The following HS3ST4 variants were observed in gnomAD, a reference collection of about 807,000 sequenced individuals.
The protein encoded by HS3ST4 is heparan sulfate-glucosamine 3-sulfotransferase 4.
In HS3ST4, 17 loss-of-function variants were observed where a neutral mutation model predicts 29.2. The observed-to-expected ratio is 0.58, with a 90% CI of 0.40 to 0.87. The LOEUF (loss-of-function observed/expected upper bound fraction) is 0.87, where lower values mean the gene tolerates loss of function less well. Among genes scored for constraint, HS3ST4 ranks in the 40% least tolerant of loss-of-function variants. HS3ST4 has a pLI of 0.00. For synonymous variants in HS3ST4, 314 were observed against 285.7 expected, an observed-to-expected ratio of 1.10 and a Z score of -1.00; for missense variants, 627 against 634.5, an observed-to-expected ratio of 0.99 and a Z score of 0.13.
intron 1 of HS3ST4, among the ~76,000 whole-genome samples, chr16:25,732,017 AC>A (rs1966572576): frequency 6.6e-6 from 1 of 151,662 alleles, no homozygotes; most frequent in Non-Finnish European, 1.5e-5. Flanking sequence ...TTTCTGTTTG[AC>A]CCCTCCTGAT....
chr16:25,953,246 G>A (rs1033021749), intron 1 of HS3ST4, among the ~76,000 whole-genome samples: 1 of 152,108 alleles, frequency 6.6e-6, no homozygotes, highest in Non-Finnish European at 1.5e-5. Context: ...GGGCTGCCAG[G>A]GAAGATCTTT....
intron 1 of HS3ST4, among the ~76,000 whole-genome samples, chr16:26,110,337 T>C (rs146820061): frequency 1.3e-5 from 2 of 152,222 alleles, no homozygotes; most frequent in Admixed American, 1.3e-4. Flanking sequence ...CTTAGGTTGA[T>C]TTCATGTCTT....
chr16:26,090,754 G>A (rs920627824), intron 1 of HS3ST4, among the ~76,000 whole-genome samples: 1 of 152,126 alleles, frequency 6.6e-6, no homozygotes, highest in African/African-American at 2.4e-5. Flanking sequence ...AAGAAAATTG[G>A]TAAAACTGAG....
intron 1 of HS3ST4, among the ~76,000 whole-genome samples, chr16:25,983,567 C>A (rs986022778): frequency 3.3e-5 from 5 of 152,202 alleles, no homozygotes; most frequent in Admixed American, 3.3e-4. Context: ...TACTATTTTT[C>A]TGGCCACACT....
At chr16:25,830,634 T>G (rs1967285951) in intron 1 of HS3ST4, among the ~76,000 whole-genome samples, 2 of 152,200 alleles carry the variant, frequency 1.3e-5, no homozygotes, top group South Asian at 4.1e-4. Context: ...TCAGTGGGAC[T>G]TCATTCTCTG....
At chr16:25,765,477 T>A (rs1966812300) in intron 1 of HS3ST4, among the ~76,000 whole-genome samples, 1 of 152,100 alleles carries the variant, frequency 6.6e-6, no homozygotes, top group African/African-American at 2.4e-5. Flanking sequence ...GGATTCTAAA[T>A]CAGATCCAAA....
chr16:25,828,242 C>CTTTTTCTATCTATCTATCTT (rs1371928058), intron 1 of HS3ST4, among the ~76,000 whole-genome samples: 1 of 75,016 alleles, frequency 1.3e-5, no homozygotes, highest in Non-Finnish European at 2.5e-5. Flanking sequence ...TTCTTTCTTT[C>CTTTTTCTATCTATCTATCTT]TCTTTCTTTC....
At chr16:25,730,499 T>C (rs1285969408) in intron 1 of HS3ST4, among the ~76,000 whole-genome samples, 2 of 139,602 alleles carry the variant, frequency 1.4e-5, no homozygotes, top group East Asian at 2.1e-4. Context: ...TCCTTCTCTT[T>C]TCCTTCCTTC....
chr16:26,037,788 C>T (rs1026372811), intron 1 of HS3ST4, among the ~76,000 whole-genome samples: 7 of 152,078 alleles, frequency 4.6e-5, no homozygotes, highest in African/African-American at 1.4e-4. Flanking sequence ...ATTAGGGTGC[C>T]GCTACTTAAA....
At chr16:26,091,709 G>A (rs1382066301) in intron 1 of HS3ST4, among the ~76,000 whole-genome samples, 3 of 152,182 alleles carry the variant, frequency 2.0e-5, no homozygotes, top group Non-Finnish European at 4.4e-5. Context: ...ATCCTGCAAT[G>A]TCATGCATAC....
At chr16:25,994,651 G>A (rs1204448098) in intron 1 of HS3ST4, among the ~76,000 whole-genome samples, 1 of 151,980 alleles carries the variant, frequency 6.6e-6, no homozygotes, top group African/African-American at 2.4e-5. Context: ...TGTTAATAAA[G>A]GCACAGAAAA....
At position 26,108,841 on chromosome 16, in the gene HS3ST4, G is replaced by T. The variant is rs59662569; in HGVS notation, c.735-26771G>T. Among the ~76,000 whole-genome samples the T allele has an allele frequency of 2.3e-3, 345 of 152,228 alleles. 8 individuals are homozygous for T. The East Asian group carries it at 0.044, about 19-fold the overall frequency. The stretch of plus-strand genomic sequence containing the variant: ...CTTACCGGACTTAGCAGAGTGGCTG[G>T]CATATAGTGATTAATCGGAAATTCC... On this transcript the variant is annotated intron_variant, in intron 1 of 1. Coordinates refer to ENST00000331351, the MANE Select transcript of HS3ST4 (RefSeq NM_006040.3).
chr16:25,780,235 C>T (rs900228680), intron 1 of HS3ST4, among the ~76,000 whole-genome samples: 2 of 152,108 alleles, frequency 1.3e-5, no homozygotes, highest in African/African-American at 4.8e-5. Context: ...TATTTTAGGT[C>T]AGGCCAAGCC....
chr16:26,115,267 A>G (rs1899187232), intron 1 of HS3ST4, among the ~76,000 whole-genome samples: 2 of 146,574 alleles, frequency 1.4e-5, no homozygotes, highest in Admixed American at 6.7e-5. Context: ...ACATATATAT[A>G]CACACACACA....
chr16:26,086,633 G>A (rs1349030644), intron 1 of HS3ST4, among the ~76,000 whole-genome samples: 2 of 152,196 alleles, frequency 1.3e-5, no homozygotes, highest in African/African-American at 2.4e-5. Flanking sequence ...ACAGGCATGA[G>A]CCACCATGCC....
chr16:25,827,838 T>C (rs548636941), intron 1 of HS3ST4, among the ~76,000 whole-genome samples: 4 of 152,346 alleles, frequency 2.6e-5, no homozygotes, highest in African/African-American at 9.6e-5. Context: ...AAGATGCTTC[T>C]GTGAAATTAT....
chr16:26,062,957 A>G (rs1349352855), intron 1 of HS3ST4: 1 of 199,204 alleles, frequency 5.0e-6, no homozygotes, highest in Non-Finnish European at 1.1e-5. Flanking sequence ...TTAGAGCCCA[A>G]TCCAACAGCT....
chr16:25,810,473 G>A (rs1413100138), intron 1 of HS3ST4, among the ~76,000 whole-genome samples: 1 of 152,148 alleles, frequency 6.6e-6, no homozygotes, highest in Non-Finnish European at 1.5e-5. Context: ...GCGAGATCCT[G>A]TGGGCTGCTT....
chr16:26,074,855 G>T (rs1367486273), intron 1 of HS3ST4, among the ~76,000 whole-genome samples: 3 of 152,042 alleles, frequency 2.0e-5, no homozygotes, highest in Non-Finnish European at 2.9e-5. Flanking sequence ...TTTCACTTTG[G>T]GGGGTGCCTG....
Sources: allele counts gnomAD v4.1 joint callset (sites outside exome capture counted in the v4.1 genomes callset), GRCh38; gene constraint gnomAD v4.1.1; transcripts MANE v1.5; gene names NCBI Gene and HGNC (gene_info 2026-07-23, HGNC 2026-07-21).